Variants in C1QTNF4 observed in about 807,000 individuals in gnomAD.
C1QTNF4 encodes the protein complement C1q tumor necrosis factor-related protein 4.
C1QTNF4 carries 12 observed loss-of-function variants against 14.6 expected under a neutral mutation model. The observed-to-expected ratio is 0.82, with a 90% CI of 0.53 to 1.33. The LOEUF is 1.33. Ranked by LOEUF, C1QTNF4 falls within the 40% of genes most tolerant of loss-of-function variation. The probability of loss-of-function intolerance (pLI) is 0.00; values close to 1 mark genes in which losing one functional copy is unlikely to be tolerated. For missense variants in C1QTNF4, 558 were observed against 500.3 expected, an observed-to-expected ratio of 1.12 and a Z score of -1.10; for synonymous variants, 278 against 246.6, an observed-to-expected ratio of 1.13 and a Z score of -1.19.
At chr11:47,590,846 G>T (rs1368287921) in intron 1 of C1QTNF4, 31 bp from the exon 2 acceptor site, 2 of 1,444,224 alleles carry the variant, frequency 1.4e-6, no homozygotes, top group East Asian at 5.0e-5. Flanking sequence ...CGAGAGTGGA[G>T]TGTTGGCAGG....
chr11:47,591,387 GC>G (rs558898707), intron 1 of C1QTNF4, among the ~76,000 whole-genome samples: 2,052 of 74,412 alleles, frequency 0.028, 50 homozygotes, highest in African/African-American at 0.062. Flanking sequence ...TTGAAACCCC[GC>G]CCCCCCCCCT....
At chr11:47,593,402 C>T (rs756263090) in intron 1 of C1QTNF4, among the ~76,000 whole-genome samples, 16 of 152,188 alleles carry the variant, frequency 1.1e-4, no homozygotes, top group Admixed American at 9.8e-4. Flanking sequence ...TCTGGGAACA[C>T]GGAAAACAGC....
At chr11:47,593,324 C>A (rs1200362742) in intron 1 of C1QTNF4, among the ~76,000 whole-genome samples, 1 of 152,144 alleles carries the variant, frequency 6.6e-6, no homozygotes, top group Non-Finnish European at 1.5e-5. Flanking sequence ...GTCTTGGGAT[C>A]CAGGGTGAGG....
chr11:47,591,573 AG>A (rs2097275691), intron 1 of C1QTNF4, among the ~76,000 whole-genome samples: 1 of 150,436 alleles, frequency 6.6e-6, no homozygotes, highest in Non-Finnish European at 1.5e-5. Context: ...TATTTTTAGT[AG>A]AGACAGGGTT....
Position 47,590,893 on chromosome 11 carries a change from A to C in C1QTNF4, c.-5-78T>G, listed in dbSNP as rs2097275262. ...AACGCCCGGCTCTCCACCGGGAGAC[A>C]AGGGTTCTCTTCCCAGCCCTGCCCT... is the stretch of plus-strand genomic sequence containing the variant. On this transcript the variant is annotated intron_variant, in intron 1 of 1. Coordinates refer to ENST00000302514, the MANE Select transcript of C1QTNF4 (RefSeq NM_031909.3). 2.8e-6 allele frequency: 4 copies of C among 1,429,868 alleles called. No homozygotes were observed. The South Asian group carries it at 4.5e-5, about 16-fold the overall frequency. The allele number at this position is 1,429,868 out of a possible 1,614,324, so 88.6% of individuals were successfully genotyped here. A position where few individuals can be genotyped will look rare whatever the true frequency, so the allele number is the denominator to read the frequency against.
intron 1 of C1QTNF4, among the ~76,000 whole-genome samples, chr11:47,593,131 C>T (rs1325313940): frequency 4.6e-5 from 7 of 152,154 alleles, no homozygotes; most frequent in Non-Finnish European, 7.4e-5. Flanking sequence ...GATGAGAAAG[C>T]TGAGGCCCAA....
intron 1 of C1QTNF4, among the ~76,000 whole-genome samples, chr11:47,591,682 C>T (rs1331148307): frequency 6.6e-6 from 1 of 152,234 alleles, no homozygotes; most frequent in East Asian, 1.9e-4. Flanking sequence ...GCCACCGCGC[C>T]CGGCCGAAAC....
Position 47,589,796 on chromosome 11 carries a change from C to T in C1QTNF4, c.*25G>A. The T allele has an allele frequency of 6.7e-7, 1 of 1,489,024 alleles. No homozygotes were observed. The highest frequency in any genetic ancestry group is 8.9e-7 in the Non-Finnish European group (1 of 1,118,994). 92.2% of individuals were successfully genotyped at this position (1,489,024 alleles called of 1,614,324 possible). A position where few individuals can be genotyped will look rare whatever the true frequency, so the allele number is the denominator to read the frequency against. ...GCCTGGCATGCACGCCCCTGGCCCTCCCGGGCTCTTCTCTGGCCCGGGGCT... is the reference window on the plus strand; with the variant it reads ...GCCTGGCATGCACGCCCCTGGCCCTTCCGGGCTCTTCTCTGGCCCGGGGCT... On this transcript the variant is annotated 3_prime_UTR_variant, in exon 2 of 2. Transcript: ENST00000302514.
chr11:47,593,496 C>T (rs1175629601), intron 1 of C1QTNF4, among the ~76,000 whole-genome samples: 6 of 152,142 alleles, frequency 3.9e-5, no homozygotes, highest in Admixed American at 2.6e-4. Context: ...GGCTGGTGCA[C>T]CCCACCAGTG....
In C1QTNF4 at chr11:47,590,772, G is replaced by A. The variant is rs1450509270; in HGVS notation, c.39C>T (p.Ala13=). The A allele has an allele frequency of 7.8e-6, 12 of 1,548,006 alleles. No individual in the cohort carries two copies. Among genetic ancestry groups the A allele is most frequent in the Non-Finnish European group, 1.0e-5 (12 of 1,152,418 alleles). The change falls in exon 2 of 2, where the codon GCC becomes GCT. Residue 13 remains alanine (A), a synonymous_variant. Coordinates refer to ENST00000302514, the MANE Select transcript of C1QTNF4 (RefSeq NM_031909.3). ...CGGGGGTCGGGCCCAGGGCCCAGCA[G>A]GCCGCTGGGCCCAGCAGGCCCAGCA... ...PLLLGLLGPA[A]CWALGPTPGP...
At chr11:47,591,526 C>A (rs988119686) in intron 1 of C1QTNF4, among the ~76,000 whole-genome samples, 1 of 151,384 alleles carries the variant, frequency 6.6e-6, no homozygotes, top group African/African-American at 2.4e-5. Context: ...GTAGCTGGGA[C>A]TACAGGCTTG....
At chr11:47,594,455 G>C (rs989813935), upstream of C1QTNF4, 2 of 152,240 alleles carry the variant, frequency 1.3e-5, no homozygotes, top group African/African-American at 4.8e-5. Context: ...GTAGGGGAGA[G>C]GGAGGGGCGA....
chr11:47,589,778 A>C lies in C1QTNF4; in HGVS notation c.*43T>G, dbSNP rs770018413. 9 of 1,444,248 alleles carry C rather than the reference A, an allele frequency of 6.2e-6. No homozygotes were observed. The highest frequency in any genetic ancestry group is 7.3e-6 in the Non-Finnish European group (8 of 1,096,426). 89.5% of individuals were successfully genotyped at this position (1,444,248 alleles called of 1,614,324 possible). A position where few individuals can be genotyped will look rare whatever the true frequency, so the allele number is the denominator to read the frequency against. ...TTTCGAGCCTCCGGCCCGGCCTGGC[A>C]TGCACGCCCCTGGCCCTCCCGGGCT... On this transcript the variant is annotated 3_prime_UTR_variant, in exon 2 of 2. Coordinates refer to ENST00000302514, the MANE Select transcript of C1QTNF4 (RefSeq NM_031909.3).
At chr11:47,591,142 G>A (rs944187499) in intron 1 of C1QTNF4, among the ~76,000 whole-genome samples, 5 of 152,140 alleles carry the variant, frequency 3.3e-5, no homozygotes, top group Non-Finnish European at 7.4e-5. Context: ...GTAGTGGCAC[G>A]ATCTCGTTTC....
In C1QTNF4 at chr11:47,590,158, G is replaced by A; in HGVS notation, c.653C>T (p.Ala218Val). The change falls in exon 2 of 2, where the codon GCC becomes GTC. Residue 218 changes from alanine to valine, a missense_variant. Ala to Val is a moderately conservative substitution (Grantham distance 64). Coordinates refer to ENST00000302514, the MANE Select transcript of C1QTNF4 (RefSeq NM_031909.3). ...GGGCAGACGGCAGCGGAACACGCCG[G>A]CCGCCGCGTCGAAGTCGCCGCCAAT... Reference protein sequence around the residue: ...VNIGGDFDAAAGVFRCRLPGA... With the variant: ...VNIGGDFDAAVGVFRCRLPGA... 6.2e-7 allele frequency: 1 copy of A among 1,604,128 alleles called. No homozygotes were observed. Among genetic ancestry groups the A allele is most frequent in the East Asian group, 2.2e-5 (1 of 44,536 alleles).
chr11:47,592,139 A>G (rs2097275989), intron 1 of C1QTNF4, among the ~76,000 whole-genome samples: 1 of 152,212 alleles, frequency 6.6e-6, no homozygotes, highest in Non-Finnish European at 1.5e-5. Context: ...TACTCAGAAG[A>G]AGGAGTGGCG....
At chr11:47,592,941 C>G (rs1406120821) in intron 1 of C1QTNF4, among the ~76,000 whole-genome samples, 1 of 152,198 alleles carries the variant, frequency 6.6e-6, no homozygotes, top group Non-Finnish European at 1.5e-5. Flanking sequence ...GTAATTCTCA[C>G]AAAGGTGTCC....
chr11:47,590,540 A>G lies in C1QTNF4; in HGVS notation c.271T>C (p.Ser91Pro). The G allele has an allele frequency of 6.3e-7, 1 of 1,598,438 alleles. No individual in the cohort carries two copies. Among genetic ancestry groups the G allele is most frequent in the Non-Finnish European group, 8.5e-7 (1 of 1,173,758 alleles). ...TAGKAPHKSL[S>P]VMLVRNRDEV... ...TCGCGGTTTCGCACCAGCATCACCGACAGGCTCTTGTGCGGGGCCTTGCCA... is the reference window on the plus strand; with the variant it reads ...TCGCGGTTTCGCACCAGCATCACCGGCAGGCTCTTGTGCGGGGCCTTGCCA... Residue 91 changes from serine to proline, a missense_variant, in exon 2 of 2, where the codon TCG becomes CCG. By Grantham distance (74) the Ser-to-Pro change is moderately conservative (BLOSUM62 -1). Transcript: ENST00000302514.
In C1QTNF4 at chr11:47,589,920, G is replaced by C; in HGVS notation, c.891C>G (p.Tyr297Ter). ...AGGTGATGTACTTGCCGTGGTTGCT[G>C]TAGGCGCCGTAGCCGTCGTGGTCGT... ...LSHDHDGYGA[Y>*]SNHGKYITFS... The change falls in exon 2 of 2, where the codon TAC becomes TAG. Residue 297 changes from tyrosine to a stop codon, truncating the protein, a stop_gained. Coordinates refer to ENST00000302514, the MANE Select transcript of C1QTNF4 (RefSeq NM_031909.3). LOFTEE classifies it high-confidence loss of function. 1 of 1,599,802 alleles carries C rather than the reference G, an allele frequency of 6.3e-7. No individual in the cohort carries two copies. The highest frequency in any genetic ancestry group is 1.1e-5 in the South Asian group (1 of 89,590).
Sources: gnomAD v4.1 joint callset for allele counts (sites outside exome capture counted in the v4.1 genomes callset) on GRCh38, gnomAD v4.1.1 for gene constraint, MANE v1.5 for transcripts, NCBI Gene and HGNC (gene_info 2026-07-23, HGNC 2026-07-21) for gene names.